KCNH7: variants seen among roughly 807,000 people sequenced by gnomAD.
The protein encoded by KCNH7 is voltage-gated inwardly rectifying potassium channel KCNH7.
In KCNH7, 49 loss-of-function variants were observed where a neutral mutation model predicts 120.8. That is an observed-to-expected ratio of 0.41 (90% CI 0.32 to 0.51). The LOEUF is 0.51. KCNH7 is among the 20% of genes least tolerant of loss of function. The pLI is 0.38. For synonymous variants in KCNH7, 547 were observed against 516.1 expected, an observed-to-expected ratio of 1.06 and a Z score of -0.81; for missense variants, 1,097 against 1,446.6, an observed-to-expected ratio of 0.76 and a Z score of 3.92.
At chr2:162,392,405 T>C (rs1213809166) in intron 12 of KCNH7, among the ~76,000 whole-genome samples, 10 of 151,916 alleles carry the variant, frequency 6.6e-5, no homozygotes, top group Admixed American at 5.9e-4. Flanking sequence ...TTTGTTTCAA[T>C]TGAAATGTGG....
chr2:162,748,369 C>T (rs1465009093), intron 2 of KCNH7, among the ~76,000 whole-genome samples: 1 of 152,194 alleles, frequency 6.6e-6, no homozygotes, highest in Non-Finnish European at 1.5e-5. Flanking sequence ...AGTTCTTTCA[C>T]TGAGATGAGA....
intron 2 of KCNH7, among the ~76,000 whole-genome samples, chr2:162,572,039 G>T (rs1294277483): frequency 1.3e-5 from 2 of 151,728 alleles, no homozygotes; most frequent in Non-Finnish European, 2.9e-5. Flanking sequence ...AGACAAAATT[G>T]ACAAATGGGA....
intron 7 of KCNH7, among the ~76,000 whole-genome samples, chr2:162,440,824 T>C (rs1037668259): frequency 2.0e-5 from 3 of 152,140 alleles, no homozygotes; most frequent in South Asian, 4.1e-4. Flanking sequence ...TTTGGCTTTC[T>C]GTACAGTAGC....
At chr2:162,550,235 A>C (rs976885641) in intron 2 of KCNH7, among the ~76,000 whole-genome samples, 1 of 152,214 alleles carries the variant, frequency 6.6e-6, no homozygotes, top group African/African-American at 2.4e-5. Context: ...CTCTCTAGGA[A>C]AGAATTGAAA....
At position 162,436,231 on chromosome 2, in the gene KCNH7, C is replaced by T. The variant is rs977467771; in HGVS notation, c.1555-634G>A. Among the ~76,000 whole-genome samples, 15 of 152,180 alleles carry T rather than the reference C, an allele frequency of 9.9e-5. No individual in the cohort carries two copies. In the Middle Eastern group the frequency reaches 0.01, roughly 104 times the overall value. ...TGCTGAGGAGCTGACATTTGAGTTG[C>T]AAACCATCTGTATAATGAGAAGGAG... On this transcript the variant is annotated intron_variant, in intron 7 of 15. Transcript: ENST00000332142.
chr2:162,439,259 T>C (rs1049379386), intron 7 of KCNH7, among the ~76,000 whole-genome samples: 1 of 152,088 alleles, frequency 6.6e-6, no homozygotes, highest in African/African-American at 2.4e-5. Context: ...TTCACTGGTA[T>C]TAGAAAAATA....
At chr2:162,474,288 T>C (rs559474085) in intron 6 of KCNH7, among the ~76,000 whole-genome samples, 1 of 152,336 alleles carries the variant, frequency 6.6e-6, no homozygotes, top group African/African-American at 2.4e-5. Flanking sequence ...CTTTATGCAC[T>C]GTATATAAAG....
chr2:162,815,545 G>A (rs947148991), intron 2 of KCNH7, among the ~76,000 whole-genome samples: 1 of 152,204 alleles, frequency 6.6e-6, no homozygotes, highest in African/African-American at 2.4e-5. Context: ...ATAAAAGAAA[G>A]TGAGAAACAA....
At chr2:162,478,940 T>C (rs1392989291) in intron 6 of KCNH7, among the ~76,000 whole-genome samples, 1 of 152,122 alleles carries the variant, frequency 6.6e-6, no homozygotes, top group Non-Finnish European at 1.5e-5. Context: ...CTCCCTGGGC[T>C]TTCCTGGTGC....
intron 6 of KCNH7, among the ~76,000 whole-genome samples, chr2:162,496,671 T>G (rs894242013): frequency 6.6e-6 from 1 of 152,178 alleles, no homozygotes; most frequent in African/African-American, 2.4e-5. Flanking sequence ...CAAAAAATCC[T>G]GCATCAGTAT....
chr2:162,384,812 C>T lies in KCNH7; in HGVS notation c.2838G>A (p.Lys946=), dbSNP rs577338078. The T allele has an allele frequency of 1.7e-5, 28 of 1,612,874 alleles. 1 individual carries two copies. In the South Asian group the frequency reaches 2.9e-4, roughly 16 times the overall value. ...SFISSIDDEQ[K]PLFSGIVDSS... is the part of the protein sequence containing the mutation. ...AGTCTACTATTCCTGAGAAGAGCGG[C>T]TTTTGTTCATCATCAATGGAGGAGA... is the stretch of plus-strand genomic sequence containing the variant. The change falls in exon 13 of 16, where the codon AAG becomes AAA. Residue 946 remains lysine (K), a synonymous_variant. Coordinates refer to ENST00000332142, the MANE Select transcript of KCNH7 (RefSeq NM_033272.4).
intron 2 of KCNH7, among the ~76,000 whole-genome samples, chr2:162,785,886 A>T (rs114511259): frequency 0.014 from 2,196 of 152,250 alleles, 56 homozygotes; most frequent in African/African-American, 0.049. Flanking sequence ...CTTATTAGAC[A>T]ATTAATTTTT....
intron 2 of KCNH7, among the ~76,000 whole-genome samples, chr2:162,639,212 C>G (rs1684064771): frequency 6.6e-6 from 1 of 152,138 alleles, no homozygotes; most frequent in African/African-American, 2.4e-5. Context: ...TTTTATCTAA[C>G]ACTAACAGTG....
intron 2 of KCNH7, among the ~76,000 whole-genome samples, chr2:162,664,771 C>A (rs1244340170): frequency 6.6e-6 from 1 of 152,062 alleles, no homozygotes; most frequent in Non-Finnish European, 1.5e-5. Context: ...AGTAGATATA[C>A]ATACTGATTG....
At chr2:162,704,811 A>G (rs924577812) in intron 2 of KCNH7, among the ~76,000 whole-genome samples, 15 of 152,210 alleles carry the variant, frequency 9.9e-5, no homozygotes, top group African/African-American at 3.6e-4. Flanking sequence ...GTATGCAAAG[A>G]CATCAGAAAC....
chr2:162,768,854 A>G (rs902304939), intron 2 of KCNH7: 1 of 152,242 alleles, frequency 6.6e-6, no homozygotes, highest in African/African-American at 2.4e-5. Flanking sequence ...AGGGGTGAAG[A>G]GGAGAGGTTG....
intron 2 of KCNH7, among the ~76,000 whole-genome samples, chr2:162,712,726 C>G (rs1322976173): frequency 1.3e-5 from 2 of 152,140 alleles, no homozygotes; most frequent in African/African-American, 4.8e-5. Context: ...TACTTGCTGT[C>G]AGTTTTCAAC....
intron 2 of KCNH7, among the ~76,000 whole-genome samples, chr2:162,684,027 G>T (rs1208491858): frequency 6.6e-6 from 1 of 151,786 alleles, no homozygotes; most frequent in Non-Finnish European, 1.5e-5. Context: ...CAGAACAGAG[G>T]CCTCAGAAAT....
At chr2:162,667,419 A>G (rs1051590354) in intron 2 of KCNH7, among the ~76,000 whole-genome samples, 13 of 152,148 alleles carry the variant, frequency 8.5e-5, no homozygotes, top group Admixed American at 4.6e-4. Context: ...TTCCACATTC[A>G]ACTTATTAAA....
Sources: gnomAD v4.1 joint callset for allele counts (sites outside exome capture counted in the v4.1 genomes callset) on GRCh38, gnomAD v4.1.1 for gene constraint, MANE v1.5 for transcripts, NCBI Gene and HGNC (gene_info 2026-07-23, HGNC 2026-07-21) for gene names.